OTUD7B: variants seen among roughly 807,000 people sequenced by gnomAD.
OTUD7B encodes OTU deubiquitinase 7B, also known as OTU domain-containing protein 7B.
A neutral mutation model predicts 82.2 loss-of-function variants in OTUD7B; 34 were observed. The observed-to-expected ratio is 0.41, with a 90% CI of 0.31 to 0.55. OTUD7B has a LOEUF of 0.55. Ranked by LOEUF, OTUD7B falls within the 20% of genes least tolerant of loss-of-function variation. The pLI is 0.20. For missense variants in OTUD7B, 944 were observed against 1,062.1 expected (o/e 0.89, Z 1.55); for synonymous variants, 398 against 402.7 (o/e 0.99, Z 0.14).
In OTUD7B at chr1:149,966,995, G is replaced by T. The variant is rs587685854; in HGVS notation, c.502+299C>A. Among the ~76,000 whole-genome samples, 8 of 152,204 alleles carry T rather than the reference G, an allele frequency of 5.3e-5. No individual in the cohort carries two copies. The South Asian group carries it at 1.7e-3, about 32-fold the overall frequency. On this transcript the variant is annotated intron_variant, in intron 4 of 11. Coordinates refer to ENST00000581312, the MANE Select transcript of OTUD7B (RefSeq NM_020205.4). Reference sequence around the variant, plus strand: ...GCATTGGTCATTTCTGTTCACAAGGGTGTTCCAGGGCCAATTATAATTAGT... The same window carrying T: ...GCATTGGTCATTTCTGTTCACAAGGTTGTTCCAGGGCCAATTATAATTAGT...
the OTUD7B span, among the ~76,000 whole-genome samples, chr1:150,029,910 A>G: frequency 6.6e-6 from 1 of 152,132 alleles, no homozygotes; most frequent in African/African-American, 2.4e-5. Context: ...CTCAAGTTCT[A>G]GATATCTTCA....
rs1649881458 is a variant in OTUD7B at position 149,970,966 on chromosome 1, G to A, written c.274+97C>T. The A allele has an allele frequency of 6.1e-6, 7 of 1,153,350 alleles. No homozygotes were observed. In the South Asian group the frequency reaches 1.4e-4, roughly 24 times the overall value. The allele number at this position is 1,153,350 out of a possible 1,614,324, so 71.4% of individuals were successfully genotyped here. A position where few individuals can be genotyped will look rare whatever the true frequency, so the allele number is the denominator to read the frequency against. On this transcript the variant is annotated intron_variant, in intron 3 of 11. Coordinates refer to ENST00000581312, the MANE Select transcript of OTUD7B (RefSeq NM_020205.4). Reference sequence around the variant, plus strand: ...TTTGGCTGGGAGAAGGGGAAGAAATGGAATCACCTCCAATGGATCACTAGA... The same window carrying A: ...TTTGGCTGGGAGAAGGGGAAGAAATAGAATCACCTCCAATGGATCACTAGA...
the OTUD7B span, among the ~76,000 whole-genome samples, chr1:150,037,235 G>A: frequency 2.0e-3 from 218 of 109,746 alleles, 2 homozygotes; most frequent in Middle Eastern, 4.2e-3. Context: ...TCAAGAAGCC[G>A]CACAAAATAC....
At chr1:149,980,404 G>C (rs1318739022) in intron 1 of OTUD7B, among the ~76,000 whole-genome samples, 1 of 151,770 alleles carries the variant, frequency 6.6e-6, no homozygotes, top group African/African-American at 2.4e-5. Flanking sequence ...ATTCCAAATG[G>C]AGATATCAAA....
chr1:149,943,714 T>A lies in OTUD7B; in HGVS notation c.*143A>T. On this transcript the variant is annotated 3_prime_UTR_variant, in exon 12 of 12. Coordinates refer to ENST00000581312, the MANE Select transcript of OTUD7B (RefSeq NM_020205.4). Reference sequence around the variant, plus strand: ...TCTTGCCAGCCTGGCAGCACTCCTGTGTGCACACACTTAAAAGTTTCCAGC... The same window carrying A: ...TCTTGCCAGCCTGGCAGCACTCCTGAGTGCACACACTTAAAAGTTTCCAGC... The A allele has an allele frequency of 1.1e-6, 1 of 869,828 alleles. No individual in the cohort carries two copies. The allele number at this position is 869,828 out of a possible 1,614,324, so 53.9% of individuals were successfully genotyped here.
At chr1:149,976,612 CAAA>C (rs1650332559) in intron 2 of OTUD7B, among the ~76,000 whole-genome samples, 8 of 7,508 alleles carry the variant, frequency 1.1e-3, no homozygotes, top group Admixed American at 2.5e-3. Flanking sequence ...ACTCCGTCTA[CAAA>C]AAAAAAAAAA....
upstream of OTUD7B, among the ~76,000 whole-genome samples, chr1:150,013,379 A>G (rs1047261364): frequency 3.3e-5 from 5 of 152,194 alleles, no homozygotes; most frequent in Admixed American, 6.5e-5. Flanking sequence ...GCTAATGGCT[A>G]GAGTTGGGGA....
At chr1:150,014,054 A>ATG (rs1653193612), upstream of OTUD7B, among the ~76,000 whole-genome samples, 1 of 79,992 alleles carries the variant, frequency 1.3e-5, no homozygotes, top group Non-Finnish European at 2.4e-5. Flanking sequence ...GTGTGTGTAT[A>ATG]TATATGTGTG....
At chr1:149,993,447 C>T (rs933680226) in intron 1 of OTUD7B, among the ~76,000 whole-genome samples, 1 of 151,996 alleles carries the variant, frequency 6.6e-6, no homozygotes. Context: ...CAGAGAAAAC[C>T]CCAAGATAGA....
At chr1:150,000,965 C>A (rs1373163509) in intron 1 of OTUD7B, among the ~76,000 whole-genome samples, 8 of 151,892 alleles carry the variant, frequency 5.3e-5, no homozygotes, top group African/African-American at 1.9e-4. Context: ...GGTGACAGAG[C>A]AAGACTCCAT....
chr1:149,969,343 T>C (rs1361894781), intron 3 of OTUD7B, among the ~76,000 whole-genome samples: 4 of 152,140 alleles, frequency 2.6e-5, no homozygotes, highest in South Asian at 2.1e-4. Flanking sequence ...ACCATGTGCC[T>C]ATGGTAAAAA....
At chr1:149,948,916 C>T (rs903027257) in intron 10 of OTUD7B, 53 bp downstream of exon 10, 2 of 1,169,762 alleles carry the variant, frequency 1.7e-6, no homozygotes, top group Non-Finnish European at 2.6e-6. Flanking sequence ...ATGGATGCCA[C>T]ATGTGGAAGA....
intron 1 of OTUD7B, among the ~76,000 whole-genome samples, chr1:149,981,046 C>G (rs1553779542): frequency 7.5e-6 from 1 of 133,332 alleles, no homozygotes. Context: ...AAAAAGCAAA[C>G]CAAACACACA....
At chr1:149,997,364 C>T (rs587623370) in intron 1 of OTUD7B, among the ~76,000 whole-genome samples, 1 of 152,266 alleles carries the variant, frequency 6.6e-6, no homozygotes, top group East Asian at 1.9e-4. Context: ...TTTACTCTCC[C>T]TTTCAGGTAA....
intron 7 of OTUD7B, among the ~76,000 whole-genome samples, chr1:149,950,446 C>G (rs1384494065): frequency 6.6e-6 from 1 of 152,184 alleles, no homozygotes; most frequent in Non-Finnish European, 1.5e-5. Context: ...GATTTGAAGG[C>G]TCTAGGGTTA....
chr1:150,001,971 A>G (rs1301753725), intron 1 of OTUD7B, among the ~76,000 whole-genome samples: 6 of 152,220 alleles, frequency 3.9e-5, no homozygotes, highest in African/African-American at 1.4e-4. Context: ...TGACTAAAAC[A>G]CAAAATCCAA....
At chr1:150,020,563 T>C in the OTUD7B span, among the ~76,000 whole-genome samples, 1 of 151,870 alleles carries the variant, frequency 6.6e-6, no homozygotes, top group East Asian at 1.9e-4. Flanking sequence ...AAAAATTAAA[T>C]ATCTAGGTAT....
chr1:150,042,822 G>A, the OTUD7B span, among the ~76,000 whole-genome samples: 4 of 152,118 alleles, frequency 2.6e-5, no homozygotes, highest in Non-Finnish European at 4.4e-5. Flanking sequence ...AAGAAACTCA[G>A]TTTTAAAGCA....
chr1:150,065,849 G>GTTTTTTTTTTTTTTTT, the OTUD7B span, among the ~76,000 whole-genome samples: 9 of 151,628 alleles, frequency 5.9e-5, no homozygotes, highest in African/African-American at 2.0e-4. Context: ...TGTTCAAAAT[G>GTTTTTTTTTTTTTTTT]TTTATGTTCC....
Sources: gnomAD v4.1 joint callset for allele counts (sites outside exome capture counted in the v4.1 genomes callset) on GRCh38, gnomAD v4.1.1 for gene constraint, MANE v1.5 for transcripts, NCBI Gene and HGNC (gene_info 2026-07-23, HGNC 2026-07-21) for gene names.